RPS6KA5: variants seen among roughly 807,000 people sequenced by gnomAD.
RPS6KA5 encodes the protein ribosomal protein S6 kinase A5, also known as ribosomal protein S6 kinase alpha-5.
RPS6KA5 carries 27 observed loss-of-function variants against 85.5 expected under a neutral mutation model. That is an observed-to-expected ratio of 0.32 (90% CI 0.23 to 0.44). RPS6KA5 has a LOEUF of 0.44. RPS6KA5 is among the 20% of genes least tolerant of loss of function. The pLI is 1.00. For missense variants in RPS6KA5, 811 were observed against 980.9 expected, an observed-to-expected ratio of 0.83 and a Z score of 2.31; for synonymous variants, 334 against 348.2, an observed-to-expected ratio of 0.96 and a Z score of 0.46.
chr14:90,926,117 T>C (rs920124277), intron 5 of RPS6KA5, among the ~76,000 whole-genome samples: 2 of 151,940 alleles, frequency 1.3e-5, no homozygotes, highest in African/African-American at 4.8e-5. Flanking sequence ...CAAGACTTAG[T>C]AAAATTGCTG....
At chr14:90,939,590 C>G (rs2037462886) in intron 5 of RPS6KA5, among the ~76,000 whole-genome samples, 2 of 152,164 alleles carry the variant, frequency 1.3e-5, no homozygotes, top group African/African-American at 2.4e-5. Flanking sequence ...CAAGAAGGAG[C>G]AAGTCATGTC....
At chr14:90,988,147 GA>G (rs952709629) in intron 2 of RPS6KA5, among the ~76,000 whole-genome samples, 1 of 152,206 alleles carries the variant, frequency 6.6e-6, no homozygotes, top group Non-Finnish European at 1.5e-5. Flanking sequence ...CTCTAGAATG[GA>G]AATAAATGCA....
chr14:90,924,973 T>C (rs1417782557), intron 5 of RPS6KA5, among the ~76,000 whole-genome samples: 1 of 152,210 alleles, frequency 6.6e-6, no homozygotes, highest in African/African-American at 2.4e-5. Context: ...GAAAACAGGT[T>C]TTTTTCTCAT....
rs60543145 is a variant in RPS6KA5 at position 91,019,640 on chromosome 14, GT to G, written c.104-18482del. 4.6e-5 allele frequency among the ~76,000 whole-genome samples: 7 copies of G among 152,050 alleles called. No individual in the cohort carries two copies. In the South Asian group the frequency reaches 1.0e-3, roughly 23 times the overall value. ...TTTACTTACAATGATTCTATTTACA[GT>G]TTTTTTTACTTCATAACACTGCAAA... On this transcript the variant is annotated intron_variant, in intron 1 of 16. Transcript: ENST00000614987.
chr14:90,941,481 G>A (rs1469956057), intron 5 of RPS6KA5, among the ~76,000 whole-genome samples: 1 of 152,182 alleles, frequency 6.6e-6, no homozygotes, highest in Non-Finnish European at 1.5e-5. Context: ...CACCATACCT[G>A]TCATTTTCTG....
chr14:91,031,453 T>C (rs2042184245), intron 1 of RPS6KA5, among the ~76,000 whole-genome samples: 1 of 152,088 alleles, frequency 6.6e-6, no homozygotes, highest in African/African-American at 2.4e-5. Context: ...CCCAGGATGA[T>C]AGTGAAGGAA....
intron 1 of RPS6KA5, among the ~76,000 whole-genome samples, chr14:91,020,729 T>C (rs1463052767): frequency 6.6e-6 from 1 of 152,090 alleles, no homozygotes; most frequent in Non-Finnish European, 1.5e-5. Context: ...CAGCACTTTT[T>C]CCTTGAGTAT....
At chr14:90,884,829 T>C (rs1244221992) in intron 14 of RPS6KA5, among the ~76,000 whole-genome samples, 1 of 152,244 alleles carries the variant, frequency 6.6e-6, no homozygotes, top group Non-Finnish European at 1.5e-5. Context: ...CTGTTGGATA[T>C]ATTCCTGAAT....
intron 1 of RPS6KA5, among the ~76,000 whole-genome samples, chr14:91,051,852 C>T (rs548871292): frequency 6.6e-6 from 1 of 151,916 alleles, no homozygotes; most frequent in Non-Finnish European, 1.5e-5. Context: ...AGAACTTTGT[C>T]AACCTGAGAA....
At chr14:90,955,196 T>G (rs1262930206) in intron 3 of RPS6KA5, among the ~76,000 whole-genome samples, 2 of 152,228 alleles carry the variant, frequency 1.3e-5, no homozygotes, top group Non-Finnish European at 2.9e-5. Flanking sequence ...AAATGTTTCT[T>G]GCTTTTTTAA....
At chr14:90,929,422 A>G (rs2036855572) in intron 5 of RPS6KA5, among the ~76,000 whole-genome samples, 1 of 152,150 alleles carries the variant, frequency 6.6e-6, no homozygotes, top group Non-Finnish European at 1.5e-5. Context: ...ACCTAATAAG[A>G]ATTCAATGTT....
At chr14:91,023,669 T>TA (rs60040110) in intron 1 of RPS6KA5, among the ~76,000 whole-genome samples, 93,676 of 150,652 alleles carry the variant, frequency 0.62, 29,956 homozygotes, top group East Asian at 0.86. Context: ...TAAGTTTCTT[T>TA]AAAAAAAAAC....
At chr14:90,981,084 T>C (rs943227395) in intron 2 of RPS6KA5, among the ~76,000 whole-genome samples, 7 of 152,152 alleles carry the variant, frequency 4.6e-5, no homozygotes, top group African/African-American at 1.7e-4. Flanking sequence ...GGCAGGAGAA[T>C]TGCTTGAACC....
At chr14:91,001,858 C>T (rs1029724735) in intron 1 of RPS6KA5, among the ~76,000 whole-genome samples, 10 of 152,024 alleles carry the variant, frequency 6.6e-5, no homozygotes, top group African/African-American at 2.4e-4. Context: ...AATAGGTGTT[C>T]TGTTAGGGGG....
At chr14:91,019,221 G>A (rs887418712) in intron 1 of RPS6KA5, among the ~76,000 whole-genome samples, 3 of 152,142 alleles carry the variant, frequency 2.0e-5, no homozygotes, top group African/African-American at 7.2e-5. Context: ...GAGGTACCCA[G>A]ATATTTGGTC....
intron 1 of RPS6KA5, among the ~76,000 whole-genome samples, chr14:91,030,714 G>A (rs1348665662): frequency 1.3e-5 from 2 of 150,264 alleles, no homozygotes; most frequent in Admixed American, 6.6e-5. Flanking sequence ...TATCCTTAAG[G>A]AGGTATATAG....
intron 1 of RPS6KA5, among the ~76,000 whole-genome samples, chr14:91,004,197 T>A (rs1175899769): frequency 6.6e-6 from 1 of 152,188 alleles, no homozygotes; most frequent in African/African-American, 2.4e-5. Flanking sequence ...GCCATTCTCC[T>A]GCCTCAGCCT....
rs1198463688 is a variant in RPS6KA5 at position 90,856,062 on chromosome 14, C to T, written c.*16012G>A. On this transcript the variant is annotated 3_prime_UTR_variant, in exon 17 of 17. Transcript: ENST00000614987. Reference sequence around the variant, plus strand: ...CAAGTAATGATAAGCTGGATATGATCACCATGGAAACATACAGCACTTTGA... The same window carrying T: ...CAAGTAATGATAAGCTGGATATGATTACCATGGAAACATACAGCACTTTGA... 1.3e-5 allele frequency: 2 copies of T among 152,192 alleles called. No individual in the cohort carries two copies. The highest frequency in any genetic ancestry group is 2.9e-5 in the Non-Finnish European group (2 of 68,038). 9.4% of individuals were successfully genotyped at this position (152,192 alleles called of 1,614,324 possible). A position where few individuals can be genotyped will look rare whatever the true frequency, so the allele number is the denominator to read the frequency against.
intron 1 of RPS6KA5, among the ~76,000 whole-genome samples, chr14:91,037,109 A>T (rs2042437931): frequency 2.0e-5 from 3 of 152,198 alleles, no homozygotes. Flanking sequence ...GACAGGAAAG[A>T]ACTTATCTTG....
Sources: allele counts gnomAD v4.1 joint callset (sites outside exome capture counted in the v4.1 genomes callset), GRCh38; gene constraint gnomAD v4.1.1; transcripts MANE v1.5; gene names NCBI Gene and HGNC (gene_info 2026-07-23, HGNC 2026-07-21).